Variants in NEK6 observed in about 807,000 individuals in gnomAD.
NEK6 encodes NIMA related kinase 6, also known as serine/threonine-protein kinase Nek6.
A neutral mutation model predicts 43.5 loss-of-function variants in NEK6; 27 were observed. That is an observed-to-expected ratio of 0.62 (90% confidence interval 0.46 to 0.86). NEK6 has a LOEUF of 0.86. Ranked by LOEUF, NEK6 falls within the 40% of genes least tolerant of loss-of-function variation. The pLI, the probability that NEK6 is intolerant of heterozygous loss-of-function variation, is 0.00. For synonymous variants in NEK6, 167 were observed against 164.1 expected (o/e 1.02, Z -0.14); for missense variants, 318 against 414.4 (o/e 0.77, Z 2.02).
intron 7 of NEK6, among the ~76,000 whole-genome samples, chr9:124,338,118 T>G (rs1829383805): frequency 6.6e-6 from 1 of 152,222 alleles, no homozygotes; most frequent in Non-Finnish European, 1.5e-5. Context: ...GTAGCTGGGA[T>G]GACAGGTGTG....
chr9:124,341,876 T>C (rs188139927), intron 8 of NEK6, among the ~76,000 whole-genome samples: 2 of 152,176 alleles, frequency 1.3e-5, no homozygotes, highest in Non-Finnish European at 2.9e-5. Flanking sequence ...CCTGTGTGCC[T>C]GCACATTCCG....
chr9:124,317,067 G>A (rs572790432), intron 4 of NEK6, among the ~76,000 whole-genome samples: 9 of 152,278 alleles, frequency 5.9e-5, no homozygotes, highest in South Asian at 4.1e-4. Context: ...GCTTGCCCAC[G>A]CCGTAGGTCA....
At chr9:124,301,852 T>C (rs1034148928) in intron 1 of NEK6, 84 bp from the exon 2 acceptor site, 2 of 1,092,508 alleles carry the variant, frequency 1.8e-6, no homozygotes, top group African/African-American at 3.1e-5. Flanking sequence ...AGCTCACGCA[T>C]CTGTAAAATG....
intron 4 of NEK6, among the ~76,000 whole-genome samples, chr9:124,320,782 C>T (rs559432178): frequency 6.6e-6 from 1 of 152,276 alleles, no homozygotes; most frequent in African/African-American, 2.4e-5. Context: ...TCTCATGCCT[C>T]CAGGGATTTT....
At chr9:124,276,163 T>G (rs1049569333) in intron 1 of NEK6, among the ~76,000 whole-genome samples, 1 of 152,062 alleles carries the variant, frequency 6.6e-6, no homozygotes, top group Admixed American at 6.5e-5. Flanking sequence ...GCCGGGCACC[T>G]GGTGTCCACA....
At chr9:124,277,439 C>T (rs1371779715) in intron 1 of NEK6, among the ~76,000 whole-genome samples, 2 of 152,164 alleles carry the variant, frequency 1.3e-5, no homozygotes, top group Non-Finnish European at 1.5e-5. Flanking sequence ...GAGTGAGGCT[C>T]CATCTCAAAA....
intron 1 of NEK6, among the ~76,000 whole-genome samples, chr9:124,263,263 CT>C (rs1037549020): frequency 4.6e-5 from 7 of 152,286 alleles, no homozygotes; most frequent in African/African-American, 1.7e-4. Context: ...TTATTGTGGA[CT>C]TTTGGAGTCT....
chr9:124,265,962 C>T (rs1385120928), intron 1 of NEK6, among the ~76,000 whole-genome samples: 1 of 152,208 alleles, frequency 6.6e-6, no homozygotes, highest in Non-Finnish European at 1.5e-5. Flanking sequence ...GTCACAACCC[C>T]TTCTTAGGTG....
intron 1 of NEK6, among the ~76,000 whole-genome samples, chr9:124,290,383 C>T (rs1334762183): frequency 6.6e-6 from 1 of 152,254 alleles, no homozygotes; most frequent in African/African-American, 2.4e-5. Context: ...CCAGCCTCCG[C>T]CCCCAAGGGT....
Position 124,313,991 on chromosome 9 carries a change from C to T in NEK6, c.294+6C>T. On this transcript the variant is annotated splice_donor_region_variant and intron_variant, in intron 4 of 9. Coordinates refer to ENST00000320246, the MANE Select transcript of NEK6 (RefSeq NM_014397.6). ...AGGAGATCGGCCTCTTGAAGGTGAG[C>T]ACCCTGGGCCGAGCGGGAGCTTTGC... The T allele has an allele frequency of 1.9e-6, 3 of 1,613,930 alleles. No homozygotes were observed. Among genetic ancestry groups the T allele is most frequent in the Non-Finnish European group, 2.5e-6 (3 of 1,179,866 alleles).
intron 7 of NEK6, among the ~76,000 whole-genome samples, chr9:124,331,711 A>T (rs4838163): frequency 1.3e-5 from 2 of 152,340 alleles, no homozygotes; most frequent in East Asian, 3.9e-4. Flanking sequence ...GGATCACACC[A>T]TGCTGTGCTG....
At chr9:124,264,781 C>T (rs1310845862) in intron 1 of NEK6, among the ~76,000 whole-genome samples, 1 of 143,170 alleles carries the variant, frequency 7.0e-6, no homozygotes, top group Admixed American at 7.2e-5. Context: ...TGCCACTGCA[C>T]TCCAGCCTAG....
intron 5 of NEK6, among the ~76,000 whole-genome samples, chr9:124,322,541 A>G (rs988173275): frequency 2.0e-5 from 3 of 152,112 alleles, no homozygotes; most frequent in African/African-American, 7.2e-5. Context: ...CTCAGCCTCT[A>G]GGTGGAAGCC....
intron 8 of NEK6, among the ~76,000 whole-genome samples, chr9:124,346,172 C>T (rs576735381): frequency 4.5e-4 from 69 of 152,336 alleles, no homozygotes; most frequent in Admixed American, 1.2e-3. Context: ...GGGTGCTGAA[C>T]CTGGGGCTGA....
At chr9:124,279,450 C>T (rs1197942455) in intron 1 of NEK6, among the ~76,000 whole-genome samples, 4 of 152,172 alleles carry the variant, frequency 2.6e-5, no homozygotes, top group African/African-American at 7.2e-5. Flanking sequence ...TGCAGGCACA[C>T]ACCACAACGC....
intron 7 of NEK6, among the ~76,000 whole-genome samples, chr9:124,328,278 AC>A (rs1187768535): frequency 6.6e-6 from 1 of 152,134 alleles, no homozygotes; most frequent in East Asian, 1.9e-4. Context: ...CCGCTTCCCC[AC>A]CAGTGGAACA....
intron 8 of NEK6, among the ~76,000 whole-genome samples, chr9:124,344,309 ATG>A (rs1242712168): frequency 1.3e-5 from 2 of 152,078 alleles, no homozygotes; most frequent in African/African-American, 2.4e-5. Context: ...TCGGTGATGG[ATG>A]TCTTTGGGGC....
intron 7 of NEK6, among the ~76,000 whole-genome samples, 169 bp downstream of exon 7, chr9:124,327,614 G>T (rs997169518): frequency 6.6e-6 from 1 of 152,226 alleles, no homozygotes; most frequent in Non-Finnish European, 1.5e-5. Context: ...AAGGGAATCA[G>T]CTGTGGCCAG....
intron 1 of NEK6, among the ~76,000 whole-genome samples, chr9:124,284,264 G>C (rs1411401266): frequency 1.3e-5 from 2 of 152,238 alleles, no homozygotes; most frequent in Non-Finnish European, 2.9e-5. Flanking sequence ...CACGATAATT[G>C]CTTGAACTAG....
Sources: gnomAD v4.1 joint callset for allele counts (sites outside exome capture counted in the v4.1 genomes callset) on GRCh38, gnomAD v4.1.1 for gene constraint, MANE v1.5 for transcripts, NCBI Gene and HGNC (gene_info 2026-07-23, HGNC 2026-07-21) for gene names.